The following MDFIC2 variants were observed in gnomAD, a reference collection of about 807,000 sequenced individuals.
MDFIC2 encodes the protein MyoD family inhibitor domain containing 2, also known as myoD family inhibitor domain-containing protein 2.
intron 2 of MDFIC2, among the ~76,000 whole-genome samples, chr3:70,236,398 G>A (rs1391930026): frequency 6.6e-6 from 1 of 151,898 alleles, no homozygotes; most frequent in Non-Finnish European, 1.5e-5. Flanking sequence ...ATTTATATTT[G>A]GAATGGCCTC....
intron 2 of MDFIC2, among the ~76,000 whole-genome samples, chr3:70,219,499 T>A (rs1489640447): frequency 6.6e-6 from 1 of 152,144 alleles, no homozygotes; most frequent in Non-Finnish European, 1.5e-5. Context: ...AAGAAATTTT[T>A]CAAAAATTGT....
rs183208562 is a variant in MDFIC2, at chr3:70,276,510, A to G, written c.88+35376T>C. Reference sequence around the variant, plus strand: ...CCAGTGAATTATACGAAATTTTAAGAATTATGATTCATTCCATGTTTATTT... The same window carrying G: ...CCAGTGAATTATACGAAATTTTAAGGATTATGATTCATTCCATGTTTATTT... On this transcript the variant is annotated intron_variant, in intron 2 of 3. Coordinates refer to ENST00000567252, the MANE Select transcript of MDFIC2 (RefSeq NM_001364677.1). Among the ~76,000 whole-genome samples, 13 of 152,298 alleles carry G rather than the reference A, an allele frequency of 8.5e-5. No individual in the cohort carries two copies. In the East Asian group the frequency reaches 2.5e-3, roughly 29 times the overall value.
intron 2 of MDFIC2, among the ~76,000 whole-genome samples, chr3:70,267,585 T>TG (rs1701930801): frequency 6.8e-6 from 1 of 146,756 alleles, no homozygotes; most frequent in Non-Finnish European, 1.5e-5. Flanking sequence ...TGTATTTTTT[T>TG]TTTTTTTTTT....
At chr3:70,204,521 C>G (rs796584891) in intron 3 of MDFIC2, 5 of 152,234 alleles carry the variant, frequency 3.3e-5, no homozygotes, top group African/African-American at 9.6e-5. Context: ...AGATTTTTCA[C>G]ACGGGAGGAA....
chr3:70,222,331 A>AACTACTC (rs1423179223), intron 2 of MDFIC2, among the ~76,000 whole-genome samples: 58 of 152,206 alleles, frequency 3.8e-4, no homozygotes, highest in African/African-American at 1.4e-3. Context: ...ATGAAGATAA[A>AACTACTC]ACTACTCATT....
At chr3:70,210,678 A>T (rs560146647) in intron 2 of MDFIC2, among the ~76,000 whole-genome samples, 155 of 152,248 alleles carry the variant, frequency 1.0e-3, no homozygotes, top group Non-Finnish European at 1.1e-3. Flanking sequence ...TATATTTGGG[A>T]TGTTATTCAT....
intron 2 of MDFIC2, among the ~76,000 whole-genome samples, chr3:70,227,213 A>G (rs1202799054): frequency 6.6e-6 from 1 of 152,204 alleles, no homozygotes; most frequent in Non-Finnish European, 1.5e-5. Context: ...TAGAAAGGAA[A>G]TAGACTGGAT....
intron 2 of MDFIC2, among the ~76,000 whole-genome samples, chr3:70,207,433 C>A (rs1325422984): frequency 6.6e-6 from 1 of 151,980 alleles, no homozygotes. Flanking sequence ...CTGTCTGGCA[C>A]AATAGCTAGA....
At chr3:70,212,978 T>C (rs1701365753) in intron 2 of MDFIC2, among the ~76,000 whole-genome samples, 1 of 151,912 alleles carries the variant, frequency 6.6e-6, no homozygotes, top group African/African-American at 2.4e-5. Flanking sequence ...ATTATTATTA[T>C]TTGTATTTTG....
At chr3:70,312,080 C>A in intron 1 of MDFIC2, 107 bp from the exon 2 acceptor site, 1 of 391,750 alleles carries the variant, frequency 2.6e-6, no homozygotes, top group Non-Finnish European at 4.5e-6. Flanking sequence ...AAAATTTTAT[C>A]TCTATAGTTT....
intron 2 of MDFIC2, among the ~76,000 whole-genome samples, chr3:70,222,482 A>G (rs1701469656): frequency 6.6e-6 from 1 of 152,196 alleles, no homozygotes; most frequent in East Asian, 1.9e-4. Flanking sequence ...CACTTTGGAT[A>G]GGTTGGTTTT....
chr3:70,244,922 C>T (rs1351930887), intron 2 of MDFIC2, among the ~76,000 whole-genome samples: 1 of 152,078 alleles, frequency 6.6e-6, no homozygotes, highest in Non-Finnish European at 1.5e-5. Flanking sequence ...GTCTTCAGGA[C>T]TATAAATTCT....
At chr3:70,243,990 G>GT (rs1701682763) in intron 2 of MDFIC2, among the ~76,000 whole-genome samples, 1 of 152,132 alleles carries the variant, frequency 6.6e-6, no homozygotes, top group South Asian at 2.1e-4. Flanking sequence ...TCCTCACCCT[G>GT]TGATGCCTTT....
chr3:70,254,152 C>CAAA (rs11375266), intron 2 of MDFIC2, among the ~76,000 whole-genome samples: 26 of 151,804 alleles, frequency 1.7e-4, no homozygotes, highest in Admixed American at 9.8e-4. Flanking sequence ...TCCAATTACA[C>CAAA]AAAAAAAATT....
intron 2 of MDFIC2, among the ~76,000 whole-genome samples, chr3:70,263,298 T>G (rs1701885459): frequency 6.6e-6 from 1 of 152,168 alleles, no homozygotes; most frequent in Non-Finnish European, 1.5e-5. Context: ...AAAAAAATAT[T>G]CTTTTAAGTG....
chr3:70,285,161 C>A (rs1189445882), intron 2 of MDFIC2, among the ~76,000 whole-genome samples: 1 of 150,646 alleles, frequency 6.6e-6, no homozygotes, highest in Non-Finnish European at 1.5e-5. Flanking sequence ...CACCCACTAA[C>A]TTGTCATCTA....
chr3:70,245,444 G>C (rs1342096405), intron 2 of MDFIC2, among the ~76,000 whole-genome samples: 1 of 151,340 alleles, frequency 6.6e-6, no homozygotes, highest in Non-Finnish European at 1.5e-5. Context: ...ACTTGACTTT[G>C]AATATGATTA....
intron 2 of MDFIC2, among the ~76,000 whole-genome samples, chr3:70,305,231 C>T (rs894316234): frequency 3.6e-4 from 54 of 151,576 alleles, no homozygotes; most frequent in African/African-American, 1.2e-3. Flanking sequence ...TTTTTTTTTC[C>T]GTCGGCTATG....
chr3:70,293,514 A>G (rs1256077173), intron 2 of MDFIC2, among the ~76,000 whole-genome samples: 2 of 152,198 alleles, frequency 1.3e-5, no homozygotes, highest in African/African-American at 4.8e-5. Flanking sequence ...GATGTTGCCT[A>G]TATTTCTGAT....
Sources: gnomAD v4.1 joint callset for allele counts (sites outside exome capture counted in the v4.1 genomes callset) on GRCh38, gnomAD v4.1.1 for gene constraint, MANE v1.5 for transcripts, NCBI Gene and HGNC (gene_info 2026-07-23, HGNC 2026-07-21) for gene names.